Variants in SLC24A2 observed in about 807,000 individuals in gnomAD.
The protein encoded by SLC24A2 is sodium/potassium/calcium exchanger 2.
A neutral mutation model predicts 62.0 loss-of-function variants in SLC24A2; 36 were observed. That is an observed-to-expected ratio of 0.58 (90% CI 0.44 to 0.77). The LOEUF is 0.77. Ranked by LOEUF, SLC24A2 falls within the 30% of genes least tolerant of loss-of-function variation. The probability of loss-of-function intolerance (pLI) is 0.00; values close to 1 mark genes in which losing one functional copy is unlikely to be tolerated. For missense variants in SLC24A2, 846 were observed against 817.9 expected (o/e 1.03, Z -0.42); for synonymous variants, 358 against 294.0 (o/e 1.22, Z -2.23).
chr9:20,078,310 C>G, the SLC24A2 span, among the ~76,000 whole-genome samples: 1 of 151,500 alleles, frequency 6.6e-6, no homozygotes, highest in Non-Finnish European at 1.5e-5. Flanking sequence ...CCCCACTTCC[C>G]CACCCCCACT....
chr9:19,709,259 G>A (rs1453300719), intron 2 of SLC24A2, among the ~76,000 whole-genome samples: 2 of 151,758 alleles, frequency 1.3e-5, no homozygotes, highest in Non-Finnish European at 2.9e-5. Flanking sequence ...GAAACAACAG[G>A]TGCTGGAGAG....
At chr9:19,849,305 C>G in the SLC24A2 span, among the ~76,000 whole-genome samples, 1 of 152,156 alleles carries the variant, frequency 6.6e-6, no homozygotes, top group Non-Finnish European at 1.5e-5. Context: ...TATGAAGATA[C>G]ACGTCTGTAC....
the SLC24A2 span, among the ~76,000 whole-genome samples, chr9:20,231,214 C>T: frequency 1.4e-4 from 22 of 152,230 alleles, no homozygotes; most frequent in African/African-American, 4.1e-4. Flanking sequence ...CTGGGCGATG[C>T]GGGCTCTTTT....
intron 2 of SLC24A2, among the ~76,000 whole-genome samples, chr9:19,750,697 G>A (rs1050303966): frequency 2.6e-5 from 4 of 152,090 alleles, no homozygotes; most frequent in Non-Finnish European, 5.9e-5. Context: ...ATGCCTAGAG[G>A]ATAAAATCCA....
chr9:20,156,197 T>C, the SLC24A2 span, among the ~76,000 whole-genome samples: 9 of 151,944 alleles, frequency 5.9e-5, no homozygotes, highest in South Asian at 1.5e-3. Context: ...ACAGAAAATA[T>C]TGTATGATAT....
At chr9:19,530,860 C>G (rs1178994233) in intron 8 of SLC24A2, among the ~76,000 whole-genome samples, 1 of 152,128 alleles carries the variant, frequency 6.6e-6, no homozygotes. Context: ...ACTCTGTACC[C>G]AGATCCTGAA....
At chr9:20,263,405 C>T in the SLC24A2 span, among the ~76,000 whole-genome samples, 1 of 152,118 alleles carries the variant, frequency 6.6e-6, no homozygotes, top group Non-Finnish European at 1.5e-5. Context: ...GTGTGCACCA[C>T]ACCTGGCTAT....
chr9:20,233,243 T>C, the SLC24A2 span, among the ~76,000 whole-genome samples: 1,574 of 152,266 alleles, frequency 0.01, 37 homozygotes, highest in African/African-American at 0.037. Flanking sequence ...CTATTAGGTC[T>C]GCTTGGTGCA....
chr9:19,773,666 G>A (rs73646162), intron 2 of SLC24A2, among the ~76,000 whole-genome samples: 3,686 of 152,220 alleles, frequency 0.024, 158 homozygotes, highest in African/African-American at 0.084. Context: ...ACCAAGCTAG[G>A]CACCAGATAC....
the SLC24A2 span, among the ~76,000 whole-genome samples, chr9:20,042,830 T>C: frequency 6.6e-6 from 1 of 152,234 alleles, no homozygotes; most frequent in Non-Finnish European, 1.5e-5. Flanking sequence ...TTTTATCTGT[T>C]GTGGTGGTCT....
the SLC24A2 span, among the ~76,000 whole-genome samples, chr9:20,228,744 G>A: frequency 6.6e-6 from 1 of 152,280 alleles, no homozygotes; most frequent in East Asian, 1.9e-4. Flanking sequence ...TCCAGCCTGT[G>A]CCTTCCTAAT....
chr9:19,825,537 T>C, the SLC24A2 span, among the ~76,000 whole-genome samples: 1 of 152,294 alleles, frequency 6.6e-6, no homozygotes, highest in Non-Finnish European at 1.5e-5. Flanking sequence ...ACTGAGCTTA[T>C]ATCTACTCTG....
At chr9:19,544,815 C>T (rs536450539) in intron 8 of SLC24A2, among the ~76,000 whole-genome samples, 4 of 152,284 alleles carry the variant, frequency 2.6e-5, no homozygotes, top group Non-Finnish European at 5.9e-5. Flanking sequence ...TGATGGGCTT[C>T]CCTTTGTGGG....
chr9:19,907,128 A>T, the SLC24A2 span, among the ~76,000 whole-genome samples: 2 of 152,236 alleles, frequency 1.3e-5, no homozygotes, highest in Non-Finnish European at 2.9e-5. Context: ...CTTATCCATC[A>T]TGATCAAGTG....
the SLC24A2 span, among the ~76,000 whole-genome samples, chr9:20,077,750 G>C: frequency 6.6e-6 from 1 of 152,178 alleles, no homozygotes; most frequent in Non-Finnish European, 1.5e-5. Context: ...GCATGTGATA[G>C]TTGCAAGCTT....
At chr9:20,296,619 T>C in the SLC24A2 span, among the ~76,000 whole-genome samples, 1 of 152,236 alleles carries the variant, frequency 6.6e-6, no homozygotes, top group Non-Finnish European at 1.5e-5. Flanking sequence ...GTGAAAGATA[T>C]GATTTCTTGA....
At chr9:20,299,387 C>T in the SLC24A2 span, among the ~76,000 whole-genome samples, 1 of 152,318 alleles carries the variant, frequency 6.6e-6, no homozygotes, top group East Asian at 1.9e-4. Context: ...AAGGGCTGTT[C>T]ATGCCAAGAA....
chr9:19,545,793 C>G lies in SLC24A2; in HGVS notation c.1479+4344G>C, dbSNP rs962554687. Among the ~76,000 whole-genome samples the G allele has an allele frequency of 5.3e-5, 8 of 152,222 alleles. No individual in the cohort carries two copies. In the East Asian group the frequency reaches 1.4e-3, roughly 26 times the overall value. On this transcript the variant is annotated intron_variant, in intron 8 of 10. Transcript: ENST00000341998. ...AGCTGGGACTACAGGCACCCACCAC[C>G]ACGCCTGCCTAATTTTTTGTGTTTT...
chr9:19,806,239 G>T, the SLC24A2 span, among the ~76,000 whole-genome samples: 1 of 152,142 alleles, frequency 6.6e-6, no homozygotes, highest in Non-Finnish European at 1.5e-5. Context: ...GAGTGCACCC[G>T]CAGATCAGGC....
Sources: allele counts gnomAD v4.1 joint callset (sites outside exome capture counted in the v4.1 genomes callset), GRCh38; gene constraint gnomAD v4.1.1; transcripts MANE v1.5; gene names NCBI Gene and HGNC (gene_info 2026-07-23, HGNC 2026-07-21).